CTSH: variants seen among roughly 807,000 people sequenced by gnomAD.
The protein encoded by CTSH is cathepsin H, also known as pro-cathepsin H.
A neutral mutation model predicts 56.3 loss-of-function variants in CTSH; 52 were observed. That is an observed-to-expected ratio of 0.92 (90% CI 0.74 to 1.16). The LOEUF (loss-of-function observed/expected upper bound fraction) is 1.16, where lower values mean the gene tolerates loss of function less well. Among genes scored for constraint, CTSH ranks in the 50% most tolerant of loss-of-function variants. The pLI, the probability that CTSH is intolerant of heterozygous loss-of-function variation, is 0.00. For missense variants in CTSH, 406 were observed against 424.5 expected, an observed-to-expected ratio of 0.96 and a Z score of 0.38; for synonymous variants, 174 against 155.7, an observed-to-expected ratio of 1.12 and a Z score of -0.88.
chr15:78,933,558 T>C (rs1567366394), intron 5 of CTSH: 1 of 455,028 alleles, frequency 2.2e-6, no homozygotes, highest in Admixed American at 2.4e-5. Flanking sequence ...CTCTCTCAGC[T>C]GGGGGAGGGA....
chr15:78,929,571 G>A lies in CTSH; in HGVS notation c.549-78C>T, dbSNP rs532770763. 2.9e-3 allele frequency: 2,831 copies of A among 963,876 alleles called. 13 individuals are homozygous for A. Among genetic ancestry groups the A allele is most frequent in the Non-Finnish European group, 4.1e-3 (2,623 of 641,180 alleles). 59.7% of individuals were successfully genotyped at this position (963,876 alleles called of 1,614,324 possible). On this transcript the variant is annotated intron_variant, in intron 7 of 11. Transcript: ENST00000220166. ...GGGCCCTCGGGGACTGGCGTGGCGA[G>A]ATATCTGGCCTGGCAGGCTGGGGAC...
At chr15:78,932,328 ATGGGGTGTCCTCCGCAGGGGG>A in intron 6 of CTSH, 23 bp downstream of exon 6, 1 of 1,558,150 alleles carries the variant, frequency 6.4e-7, no homozygotes, top group Non-Finnish European at 8.9e-7. Context: ...CCACATCAGG[ATGGGGTGTCCTCCGCAGGGGG>A]TCGCCTGTGG....
intron 3 of CTSH, 181 bp downstream of exon 3, chr15:78,937,137 C>A: frequency 1.7e-6 from 1 of 598,786 alleles, no homozygotes; most frequent in South Asian, 2.0e-5. Flanking sequence ...CGGCTTTGTC[C>A]CAAATTTACG....
chr15:78,943,481 C>T (rs1331084608), intron 1 of CTSH, among the ~76,000 whole-genome samples: 5 of 152,168 alleles, frequency 3.3e-5, no homozygotes, highest in Non-Finnish European at 5.9e-5. Flanking sequence ...CCGACTGCCT[C>T]GGTCTCCCAA....
At position 78,921,833 on chromosome 15, in the gene CTSH, C is replaced by T. The variant is rs1400386557; in HGVS notation, c.*297G>A. Reference sequence around the variant, plus strand: ...TACAGAAAAGACAGTCCCTGGAGCTCTATATGTGGAAAGTAGCCCTTCTGG... The same window carrying T: ...TACAGAAAAGACAGTCCCTGGAGCTTTATATGTGGAAAGTAGCCCTTCTGG... On this transcript the variant is annotated 3_prime_UTR_variant, in exon 12 of 12. Transcript: ENST00000220166. The T allele has an allele frequency of 7.2e-6, 3 of 414,914 alleles. No homozygotes were observed. Among genetic ancestry groups the T allele is most frequent in the Non-Finnish European group, 8.8e-6 (2 of 228,318 alleles). The allele number at this position is 414,914 out of a possible 1,614,324, so 25.7% of individuals were successfully genotyped here.
At chr15:78,922,741 T>A (rs1439308351) in intron 11 of CTSH, among the ~76,000 whole-genome samples, 1 of 152,236 alleles carries the variant, frequency 6.6e-6, no homozygotes, top group East Asian at 1.9e-4. Flanking sequence ...TTCCTAGCAG[T>A]CCTTCTGAGC....
intron 7 of CTSH, 21 bp from the exon 8 acceptor site, chr15:78,929,514 T>A (rs1340140133): frequency 6.3e-7 from 1 of 1,578,440 alleles, no homozygotes; most frequent in South Asian, 1.1e-5. Flanking sequence ...TACACACAGG[T>A]GAGCCCACCT....
At chr15:78,937,081 C>T in intron 3 of CTSH, 4 of 514,784 alleles carry the variant, frequency 7.8e-6, no homozygotes, top group Admixed American at 3.3e-5. Flanking sequence ...GGGGCAGGGG[C>T]TTCTACAGAG....
At chr15:78,937,034 C>A (rs2055190677) in intron 3 of CTSH, 2 of 413,648 alleles carry the variant, frequency 4.8e-6, no homozygotes, top group Middle Eastern at 7.1e-4. Flanking sequence ...CAAAGACAGA[C>A]CTTGGCTTCC....
At chr15:78,925,500 G>A in intron 9 of CTSH, 60 bp from the exon 10 acceptor site, 2 of 1,191,362 alleles carry the variant, frequency 1.7e-6, no homozygotes, top group South Asian at 1.2e-5. Flanking sequence ...TCCTTTCACA[G>A]TACAGCCTTT....
At chr15:78,937,811 G>A (rs1312566238) in intron 2 of CTSH, 6 of 1,293,318 alleles carry the variant, frequency 4.6e-6, no homozygotes, top group South Asian at 1.2e-5. Flanking sequence ...AGTACACAGT[G>A]TGCTTTGGTT....
chr15:78,939,850 T>A (rs533836064), intron 1 of CTSH, among the ~76,000 whole-genome samples: 3 of 152,226 alleles, frequency 2.0e-5, no homozygotes, highest in Admixed American at 2.0e-4. Context: ...GCCACTGCAC[T>A]CCAGCCTGGG....
chr15:78,936,819 G>A (rs993539797), intron 3 of CTSH, among the ~76,000 whole-genome samples: 8 of 152,102 alleles, frequency 5.3e-5, no homozygotes, highest in African/African-American at 1.9e-4. Context: ...AGTAGAGATG[G>A]GGTTTCTCCA....
chr15:78,942,374 G>A (rs765862695), intron 1 of CTSH, among the ~76,000 whole-genome samples: 17 of 151,980 alleles, frequency 1.1e-4, no homozygotes, highest in African/African-American at 2.2e-4. Flanking sequence ...CACCACGCCC[G>A]GCTAATTTTT....
intron 3 of CTSH, 121 bp from the exon 4 acceptor site, chr15:78,935,871 CTCCTTTA>C: frequency 1.5e-6 from 1 of 658,072 alleles, no homozygotes; most frequent in Non-Finnish European, 2.6e-6. Context: ...TGCAACCCAT[CTCCTTTA>C]AGTTTTTGTA....
Position 78,934,381 on chromosome 15 carries a change from G to A in CTSH, c.405+597C>T, listed in dbSNP as rs866470576. On this transcript the variant is annotated intron_variant, in intron 5 of 11. Coordinates refer to ENST00000220166, the MANE Select transcript of CTSH (RefSeq NM_004390.5). ...GCTAGGGGAGGGGCCGCAGCAGGCC[G>A]GGAGAACAGCGGGGGCAGGGTCCAG... Among the ~76,000 whole-genome samples, 4 of 152,222 alleles carry A rather than the reference G, an allele frequency of 2.6e-5. No homozygotes were observed. The East Asian group carries it at 5.8e-4, about 22-fold the overall frequency.
rs1337203004 is a variant in CTSH, at chr15:78,929,418, C to T, written c.624G>A (p.Gln208=). The change falls in exon 8 of 12, where the codon CAG becomes CAA. Residue 208 remains glutamine, a synonymous_variant. Coordinates refer to ENST00000220166, the MANE Select transcript of CTSH (RefSeq NM_004390.5). The stretch of plus-strand genomic sequence containing the variant: ...TGGAGGCTGTTGGAGTTACCTTGCC[C>T]TGGTAGGGGTAGGTGTCTTCACCCA... ...GIMGEDTYPY[Q]GKDGYCKFQP... 8 of 1,611,894 alleles carry T rather than the reference C, an allele frequency of 5.0e-6. No individual in the cohort carries two copies. The highest frequency in any genetic ancestry group is 6.8e-6 in the Non-Finnish European group (8 of 1,178,852).
chr15:78,935,073 C>T lies in CTSH; in HGVS notation c.310G>A (p.Ala104Thr), dbSNP rs777188123. Residue 104 changes from alanine (A) to threonine (T), a missense_variant, in exon 5 of 12, where the codon GCC becomes ACC. Coordinates refer to ENST00000220166, the MANE Select transcript of CTSH (RefSeq NM_004390.5). ...CCTCGAAGGTAGTTACTTTTGGTGG[C>T]TGAGCAATTCTGGAACAACCAAACA... ...YLWSEPQNCS[A>T]TKSNYLRGTG... 1.9e-6 allele frequency: 3 copies of T among 1,610,232 alleles called. No individual in the cohort carries two copies. Among genetic ancestry groups the T allele is most frequent in the Non-Finnish European group, 2.6e-6 (3 of 1,176,430 alleles).
rs184906851 is a variant in CTSH, at chr15:78,939,331, C to T, written c.92-160G>A. Among the ~76,000 whole-genome samples the T allele has an allele frequency of 8.3e-4, 127 of 152,278 alleles. 1 individual carries two copies. The highest frequency in any genetic ancestry group is 1.4e-3 in the East Asian group (7 of 5,184). ...TAATGCAGAATGCAAAAAGAAACTC[C>T]GACTCTTCCTGGTTTTGTACCCCAA... On this transcript the variant is annotated intron_variant, in intron 1 of 11. Transcript: ENST00000220166.
Sources: allele counts gnomAD v4.1 joint callset (sites outside exome capture counted in the v4.1 genomes callset), GRCh38; gene constraint gnomAD v4.1.1; transcripts MANE v1.5; gene names NCBI Gene and HGNC (gene_info 2026-07-23, HGNC 2026-07-21).